ELAVL1: variants seen among roughly 807,000 people sequenced by gnomAD.
ELAVL1 encodes the protein ELAV like RNA binding protein 1.
In ELAVL1, 1 loss-of-function variant was observed where a neutral mutation model predicts 28.4. The observed-to-expected ratio is 0.04, with a 90% CI of 0.01 to 0.17. The LOEUF is 0.17. ELAVL1 is among the 10% of genes least tolerant of loss of function. The pLI is 1.00. For missense variants in ELAVL1, 157 were observed against 447.2 expected, an observed-to-expected ratio of 0.35 and a Z score of 5.85; for synonymous variants, 174 against 183.5, an observed-to-expected ratio of 0.95 and a Z score of 0.42.
chr19:7,983,668 C>T (rs1471620492), intron 2 of ELAVL1, among the ~76,000 whole-genome samples: 3 of 152,170 alleles, frequency 2.0e-5, no homozygotes, highest in Non-Finnish European at 2.9e-5. Flanking sequence ...GGCTGCGGCG[C>T]CTCAGGCAGC....
At position 7,996,086 on chromosome 19, in the gene ELAVL1, C is replaced by T. The variant is rs143127722; in HGVS notation, c.-16-4255G>A. 2.0e-3 allele frequency among the ~76,000 whole-genome samples: 309 copies of T among 152,014 alleles called. 1 individual carries two copies. The highest frequency in any genetic ancestry group is 6.9e-3 in the African/African-American group (288 of 41,480). ...AGATAGGGTCTCACTATGTTGCCCA[C>T]GCTGGTCTTGAATTCCTGGTGTCAA... On this transcript the variant is annotated intron_variant, in intron 1 of 5. Transcript: ENST00000407627.
chr19:7,985,218 C>A (rs2145216964), intron 2 of ELAVL1, among the ~76,000 whole-genome samples: 1 of 152,378 alleles, frequency 6.6e-6, no homozygotes, highest in South Asian at 2.1e-4. Flanking sequence ...CCGCGCCCAG[C>A]CTCCTCAGTG....
At chr19:7,988,623 G>C (rs1380941716) in intron 2 of ELAVL1, among the ~76,000 whole-genome samples, 2 of 152,210 alleles carry the variant, frequency 1.3e-5, no homozygotes, top group Non-Finnish European at 2.9e-5. Flanking sequence ...GCTCTCGCTA[G>C]GGGAGACTCT....
intron 1 of ELAVL1, among the ~76,000 whole-genome samples, chr19:8,001,635 T>A (rs536558984): frequency 9.3e-4 from 112 of 120,422 alleles, no homozygotes; most frequent in African/African-American, 2.5e-3. Flanking sequence ...TTAAAAAAAA[T>A]TTTTTTTTTT....
chr19:7,963,877 CGCATGCTGACCATGGCCGCT>C lies in ELAVL1; in HGVS notation c.657-90_657-71del. 1 of 1,513,738 alleles carries C rather than the reference CGCATGCTGACCATGGCCGCT, an allele frequency of 6.6e-7. No homozygotes were observed. The highest frequency in any genetic ancestry group is 8.9e-7 in the Non-Finnish European group (1 of 1,123,286). The allele number at this position is 1,513,738 out of a possible 1,614,324, so 93.8% of individuals were successfully genotyped here. On this transcript the variant is annotated intron_variant, in intron 5 of 5. Coordinates refer to ENST00000407627, the MANE Select transcript of ELAVL1 (RefSeq NM_001419.3). This position sits in a 1 kb window ranked among gnomAD's most constrained non-coding sequence, Gnocchi z 4.5. ...GCCTGGGGATGGGGCAAGGCCTGGACGCATGCTGACCATGGCCGCTGGGCCCCATCCCGCTCTGCGCAGCC... is the reference window on the plus strand; with the variant it reads ...GCCTGGGGATGGGGCAAGGCCTGGACGGGCCCCATCCCGCTCTGCGCAGCC...
chr19:7,987,943 G>C (rs1985649284), intron 2 of ELAVL1, among the ~76,000 whole-genome samples: 1 of 152,198 alleles, frequency 6.6e-6, no homozygotes, highest in East Asian at 1.9e-4. Flanking sequence ...TTGAGGAGGG[G>C]AGTGACAGGG....
chr19:7,999,763 T>C (rs2081061326), intron 1 of ELAVL1, among the ~76,000 whole-genome samples: 1 of 152,038 alleles, frequency 6.6e-6, no homozygotes, highest in African/African-American at 2.4e-5. Flanking sequence ...GTCCTCTATG[T>C]AGTTCTGTCT....
intron 1 of ELAVL1, chr19:8,002,109 C>T (rs2081070047): frequency 1.6e-6 from 2 of 1,289,414 alleles, no homozygotes; most frequent in Non-Finnish European, 2.0e-6. Context: ...CCTGCCACCA[C>T]TACCCATCTC....
In ELAVL1 at chr19:7,982,553, G is replaced by C. The variant is rs191548453; in HGVS notation, c.173-1367C>G. Among the ~76,000 whole-genome samples, 2 of 152,262 alleles carry C rather than the reference G, an allele frequency of 1.3e-5. No individual in the cohort carries two copies. The highest frequency in any genetic ancestry group is 3.9e-4 in the East Asian group (2 of 5,188). ...AATTTTATTTTTCAGAACAGTTTTA[G>C]GTTTACAGAAAAATTACAAGGATAA... On this transcript the variant is annotated intron_variant, in intron 2 of 5. Transcript: ENST00000407627. The surrounding 1 kb of genome is among the most constrained non-coding windows in gnomAD (Gnocchi z 4.3).
Position 7,961,671 on chromosome 19 carries a change from G to A in ELAVL1, c.*1812C>T, listed in dbSNP as rs1680587024. On this transcript the variant is annotated 3_prime_UTR_variant, in exon 6 of 6. Transcript: ENST00000407627. ...GCCGACTTTTATGAGACACAGCCTG[G>A]GTACGGATGGCAACATCATCAATTT... The A allele has an allele frequency of 6.6e-6, 1 of 152,116 alleles. No individual in the cohort carries two copies. The allele number at this position is 152,116 out of a possible 1,614,324, so 9.4% of individuals were successfully genotyped here.
rs544095206 is a variant in ELAVL1 at position 7,963,897 on chromosome 19, T to C, written c.657-90A>G. On this transcript the variant is annotated intron_variant, in intron 5 of 5. Coordinates refer to ENST00000407627, the MANE Select transcript of ELAVL1 (RefSeq NM_001419.3). The surrounding 1 kb of genome is among the most constrained non-coding windows in gnomAD (Gnocchi z 4.5). ...CTGGACGCATGCTGACCATGGCCGCTGGGCCCCATCCCGCTCTGCGCAGCC... is the reference window on the plus strand; with the variant it reads ...CTGGACGCATGCTGACCATGGCCGCCGGGCCCCATCCCGCTCTGCGCAGCC... 989 of 1,423,764 alleles carry C rather than the reference T, an allele frequency of 6.9e-4. 14 individuals are homozygous for C. In the African/African-American group the frequency reaches 0.013, roughly 18 times the overall value. 88.2% of individuals were successfully genotyped at this position (1,423,764 alleles called of 1,614,324 possible).
intron 1 of ELAVL1, among the ~76,000 whole-genome samples, chr19:7,998,149 A>T (rs760103022): frequency 4.6e-5 from 7 of 151,924 alleles, no homozygotes; most frequent in Non-Finnish European, 1.0e-4. Flanking sequence ...CTGGGCCCCC[A>T]CCCCACTCTC....
At chr19:8,004,183 T>C (rs998908673) in intron 1 of ELAVL1, among the ~76,000 whole-genome samples, 5 of 152,258 alleles carry the variant, frequency 3.3e-5, no homozygotes, top group Non-Finnish European at 5.9e-5. Context: ...CTGGTGGCTA[T>C]GTACAACATC....
At chr19:7,999,479 C>T (rs2081060233) in intron 1 of ELAVL1, among the ~76,000 whole-genome samples, 1 of 152,250 alleles carries the variant, frequency 6.6e-6, no homozygotes, top group African/African-American at 2.4e-5. Context: ...GTCCCAACCA[C>T]TCCTATCATT....
intron 4 of ELAVL1, among the ~76,000 whole-genome samples, chr19:7,971,209 G>A (rs1054484489): frequency 6.6e-6 from 1 of 152,246 alleles, no homozygotes; most frequent in Non-Finnish European, 1.5e-5. Context: ...GTGTGCAGAG[G>A]TGAGTTCCCC....
In ELAVL1 at chr19:7,982,839, C is replaced by T. The variant is rs752912729; in HGVS notation, c.173-1653G>A. 2.6e-5 allele frequency among the ~76,000 whole-genome samples: 4 copies of T among 152,142 alleles called. No individual in the cohort carries two copies. The highest frequency in any genetic ancestry group is 4.4e-5 in the Non-Finnish European group (3 of 68,032). On this transcript the variant is annotated intron_variant, in intron 2 of 5. Coordinates refer to ENST00000407627, the MANE Select transcript of ELAVL1 (RefSeq NM_001419.3). The surrounding 1 kb of genome is among the most constrained non-coding windows in gnomAD (Gnocchi z 4.3). ...GACTGTGACGGTTTTGAGGACTGGT[C>T]GGACATCCCGTAGACTCTCGATTGG...
chr19:8,004,552 T>A (rs1387238586), intron 1 of ELAVL1, among the ~76,000 whole-genome samples: 1 of 152,136 alleles, frequency 6.6e-6, no homozygotes, highest in African/African-American at 2.4e-5. Flanking sequence ...CTTCCTACAT[T>A]GCACAGGGAA....
intron 1 of ELAVL1, among the ~76,000 whole-genome samples, chr19:8,001,261 G>C (rs1219338593): frequency 6.6e-6 from 1 of 151,886 alleles, no homozygotes; most frequent in Non-Finnish European, 1.5e-5. Flanking sequence ...TCTTCAAACC[G>C]CCTCCGCCCC....
chr19:7,998,921 G>A (rs955382390), intron 1 of ELAVL1, among the ~76,000 whole-genome samples: 4 of 152,128 alleles, frequency 2.6e-5, no homozygotes, highest in African/African-American at 4.8e-5. Context: ...GGGACTACTG[G>A]TGTGTGCCAC....
Sources: gnomAD v4.1 joint callset for allele counts (sites outside exome capture counted in the v4.1 genomes callset) on GRCh38, gnomAD v4.1.1 for gene constraint, Gnocchi (gnomAD v3.1) non-coding constraint, MANE v1.5 for transcripts, NCBI Gene and HGNC (gene_info 2026-07-23, HGNC 2026-07-21) for gene names.